The following IQCM variants were observed in gnomAD, a reference collection of about 807,000 sequenced individuals.
The protein encoded by IQCM is IQ domain-containing protein M.
IQCM carries 45 observed loss-of-function variants against 57.6 expected under a neutral mutation model. The observed-to-expected ratio is 0.78, with a 90% CI of 0.62 to 1.00. The LOEUF (loss-of-function observed/expected upper bound fraction) is 1.00, where lower values mean the gene tolerates loss of function less well. Among genes scored for constraint, IQCM ranks in the 50% least tolerant of loss-of-function variants. The pLI is 0.00. For missense variants in IQCM, 468 were observed against 511.6 expected, an observed-to-expected ratio of 0.91 and a Z score of 0.82; for synonymous variants, 148 against 158.9, an observed-to-expected ratio of 0.93 and a Z score of 0.51.
chr4:149,395,697 A>T (rs1459849510), intron 13 of IQCM, among the ~76,000 whole-genome samples: 1 of 151,954 alleles, frequency 6.6e-6, no homozygotes, highest in African/African-American at 2.4e-5. Context: ...AGCTACAACC[A>T]TTTCTATCAG....
At chr4:149,484,645 T>C (rs1424336504) in intron 12 of IQCM, among the ~76,000 whole-genome samples, 4 of 152,104 alleles carry the variant, frequency 2.6e-5, no homozygotes, top group African/African-American at 7.2e-5. Flanking sequence ...TTTTTCTTTA[T>C]GTCTTACCGT....
At chr4:149,416,705 A>G (rs1733773909) in intron 13 of IQCM, among the ~76,000 whole-genome samples, 1 of 152,148 alleles carries the variant, frequency 6.6e-6, no homozygotes, top group East Asian at 1.9e-4. Context: ...GGTATTGATT[A>G]GAGGAGATTT....
At chr4:149,641,588 A>G (rs1579814865) in intron 7 of IQCM, among the ~76,000 whole-genome samples, 1 of 152,192 alleles carries the variant, frequency 6.6e-6, no homozygotes, top group African/African-American at 2.4e-5. Context: ...ACACAATAAA[A>G]GAAAAATGCA....
intron 8 of IQCM, among the ~76,000 whole-genome samples, chr4:149,590,247 C>CTTTTTTGT (rs1753007616): frequency 1.4e-5 from 1 of 73,630 alleles, no homozygotes; most frequent in Non-Finnish European, 2.6e-5. Flanking sequence ...TTTTTCTTTC[C>CTTTTTTGT]TTTTTTTTTT....
chr4:149,536,611 A>G (rs1398556264), intron 12 of IQCM, among the ~76,000 whole-genome samples: 4 of 151,984 alleles, frequency 2.6e-5, no homozygotes. Flanking sequence ...ATGTAGTTAT[A>G]TGTTTGTATG....
At chr4:149,568,487 A>G (rs564078359) in intron 9 of IQCM, among the ~76,000 whole-genome samples, 10 of 152,218 alleles carry the variant, frequency 6.6e-5, no homozygotes, top group African/African-American at 2.4e-4. Context: ...AATATATAAC[A>G]AATAAAATAT....
intron 13 of IQCM, among the ~76,000 whole-genome samples, chr4:149,403,009 T>A (rs532643814): frequency 6.8e-4 from 103 of 152,100 alleles, no homozygotes; most frequent in Admixed American, 8.5e-4. Flanking sequence ...ACTGGCTTTA[T>A]ATTTTTCACT....
intron 5 of IQCM, among the ~76,000 whole-genome samples, chr4:149,711,470 T>C (rs1446916847): frequency 6.6e-6 from 1 of 152,194 alleles, no homozygotes; most frequent in Non-Finnish European, 1.5e-5. Flanking sequence ...ATCCAACTAA[T>C]AATATGCAAA....
chr4:149,647,135 C>A (rs1456181885), intron 7 of IQCM, among the ~76,000 whole-genome samples: 7 of 152,030 alleles, frequency 4.6e-5, no homozygotes, highest in African/African-American at 1.4e-4. Flanking sequence ...GAAAGTTGTA[C>A]AGTTTTAAAA....
intron 2 of IQCM, among the ~76,000 whole-genome samples, chr4:149,799,477 A>T (rs894562940): frequency 1.3e-5 from 2 of 151,842 alleles, no homozygotes; most frequent in African/African-American, 4.8e-5. Flanking sequence ...GAAGAAAAAA[A>T]ATAAAGATTA....
chr4:149,677,421 A>C (rs1761840529), intron 7 of IQCM, among the ~76,000 whole-genome samples: 2 of 152,084 alleles, frequency 1.3e-5, no homozygotes, highest in Admixed American at 1.3e-4. Flanking sequence ...GAAGAGTAGC[A>C]CTCCAAACAC....
chr4:149,430,148 G>A (rs2111254550), intron 13 of IQCM: 1 of 520,508 alleles, frequency 1.9e-6, no homozygotes, highest in East Asian at 3.6e-5. Context: ...TCTTCCTCTA[G>A]GCTATTATAG....
At chr4:149,704,442 T>TC (rs1580065323) in intron 5 of IQCM, among the ~76,000 whole-genome samples, 1 of 151,842 alleles carries the variant, frequency 6.6e-6, no homozygotes, top group Admixed American at 6.6e-5. Flanking sequence ...TCTGGCCACT[T>TC]CCTTGCCACA....
At chr4:149,756,301 A>T (rs1768953990) in intron 2 of IQCM, among the ~76,000 whole-genome samples, 1 of 152,242 alleles carries the variant, frequency 6.6e-6, no homozygotes, top group Non-Finnish European at 1.5e-5. Flanking sequence ...TAGGCTATCT[A>T]GAAAAGGATG....
chr4:149,598,774 C>G (rs1408577515), intron 8 of IQCM, among the ~76,000 whole-genome samples: 1 of 152,280 alleles, frequency 6.6e-6, no homozygotes, highest in East Asian at 1.9e-4. Context: ...GCAATGGAGA[C>G]TCTCATAAAC....
chr4:149,630,888 T>C (rs1757209880), intron 7 of IQCM, among the ~76,000 whole-genome samples: 1 of 152,170 alleles, frequency 6.6e-6, no homozygotes. Flanking sequence ...CTGCTACTCT[T>C]AGCAACATCT....
intron 7 of IQCM, among the ~76,000 whole-genome samples, chr4:149,629,877 G>A (rs1044640994): frequency 1.9e-4 from 28 of 149,512 alleles, no homozygotes; most frequent in Middle Eastern, 3.5e-3. Flanking sequence ...ATTTGCAAAC[G>A]AGAAAATACA....
chr4:149,755,039 C>T (rs552406613), intron 2 of IQCM, among the ~76,000 whole-genome samples: 50 of 152,184 alleles, frequency 3.3e-4, no homozygotes, highest in Non-Finnish European at 6.3e-4. Context: ...GTACATTCTA[C>T]GTCCTATTCA....
intron 12 of IQCM, among the ~76,000 whole-genome samples, chr4:149,508,190 G>A (rs1370073921): frequency 6.6e-6 from 1 of 152,094 alleles, no homozygotes. Context: ...TGCTAAGGCT[G>A]TATGGAAAGG....
Sources: allele counts gnomAD v4.1 joint callset (sites outside exome capture counted in the v4.1 genomes callset), GRCh38; gene constraint gnomAD v4.1.1; transcripts MANE v1.5; gene names NCBI Gene and HGNC (gene_info 2026-07-23, HGNC 2026-07-21).